TRIP12: variants seen among roughly 807,000 people sequenced by gnomAD.
The protein encoded by TRIP12 is thyroid hormone receptor interactor 12, also known as E3 ubiquitin-protein ligase TRIP12.
In TRIP12, 25 loss-of-function variants were observed where a neutral mutation model predicts 244.2. That is an observed-to-expected ratio of 0.10 (90% CI 0.07 to 0.14). The LOEUF is 0.14. Among genes scored for constraint, TRIP12 ranks in the 10% least tolerant of loss-of-function variants. TRIP12 has a pLI of 1.00. For synonymous variants in TRIP12, 905 were observed against 873.1 expected, an observed-to-expected ratio of 1.04 and a Z score of -0.64; for missense variants, 1,677 against 2,486.4, an observed-to-expected ratio of 0.67 and a Z score of 6.92.
chr2:229,822,739 A>G (rs1324398664), intron 8 of TRIP12, among the ~76,000 whole-genome samples: 1 of 152,212 alleles, frequency 6.6e-6, no homozygotes, highest in Non-Finnish European at 1.5e-5. Flanking sequence ...AGTGGGGGAA[A>G]AAAAGACAAT....
At chr2:229,800,500 T>C (rs779860621) in intron 21 of TRIP12, among the ~76,000 whole-genome samples, 2 of 152,166 alleles carry the variant, frequency 1.3e-5, no homozygotes, top group African/African-American at 2.4e-5. Context: ...GACATTTCTA[T>C]GGAATATACT....
At chr2:229,876,448 G>A (rs1202498687) in intron 2 of TRIP12, among the ~76,000 whole-genome samples, 1 of 152,198 alleles carries the variant, frequency 6.6e-6, no homozygotes, top group African/African-American at 2.4e-5. Flanking sequence ...CTAATAAGAT[G>A]TTTTGGCTAA....
chr2:229,818,517 A>C lies in TRIP12; in HGVS notation c.1451-5T>G. 1 of 1,610,830 alleles carries C rather than the reference A, an allele frequency of 6.2e-7. No homozygotes were observed. On this transcript the variant is annotated splice_polypyrimidine_tract_variant and splice_region_variant and intron_variant, in intron 8 of 41. Transcript: ENST00000675903. ...GTAGCTGCTGGGCCTTAGAACCTTT[A>C]GAGAAAAAAATAATTATTATCTTTA...
intron 8 of TRIP12, among the ~76,000 whole-genome samples, chr2:229,819,564 T>TA (rs1196669806): frequency 6.6e-6 from 1 of 152,164 alleles, no homozygotes; most frequent in African/African-American, 2.4e-5. Context: ...TAATTAATTT[T>TA]AAAAAATAAA....
Position 229,778,702 on chromosome 2 carries a change from T to G in TRIP12, c.5210-115A>C, listed in dbSNP as rs2037103650. On this transcript the variant is annotated intron_variant, in intron 35 of 41. Transcript: ENST00000675903. The surrounding 1 kb of genome is among the most constrained non-coding windows in gnomAD (Gnocchi z 4.1). ...TTCTCAAAATTGGAGTGCAGATCAC[T>G]GAATGAAGTCCTCTAGAACTGGACA... 6.9e-7 allele frequency: 1 copy of G among 1,442,798 alleles called. No individual in the cohort carries two copies. Among genetic ancestry groups the G allele is most frequent in the African/African-American group, 1.4e-5 (1 of 70,506 alleles). 89.4% of individuals were successfully genotyped at this position (1,442,798 alleles called of 1,614,324 possible).
At chr2:229,781,982 A>C (rs927594) in intron 34 of TRIP12, among the ~76,000 whole-genome samples, 78,304 of 151,910 alleles carry the variant, frequency 0.52, 20,741 homozygotes, top group African/African-American at 0.64. Flanking sequence ...CTGTGTGAAG[A>C]CATTTTGAGC....
chr2:229,837,756 G>C (rs1270676844), intron 5 of TRIP12, among the ~76,000 whole-genome samples: 4 of 152,062 alleles, frequency 2.6e-5, no homozygotes, highest in Admixed American at 6.6e-5. Flanking sequence ...TCCTAATAAT[G>C]AATAACTCCA....
chr2:229,850,879 T>C (rs1438136039), intron 4 of TRIP12, among the ~76,000 whole-genome samples: 1 of 151,836 alleles, frequency 6.6e-6, no homozygotes, highest in Non-Finnish European at 1.5e-5. Context: ...CTGCGGAGAG[T>C]GTACTGGGTC....
intron 19 of TRIP12, 118 bp downstream of exon 19, chr2:229,803,881 T>C (rs1242068923): frequency 2.1e-6 from 2 of 958,592 alleles, no homozygotes; most frequent in East Asian, 5.3e-5. Flanking sequence ...AAAAAAGAGC[T>C]CAAGATACTC....
At chr2:229,817,456 C>T (rs1469743520) in intron 9 of TRIP12, among the ~76,000 whole-genome samples, 1 of 152,066 alleles carries the variant, frequency 6.6e-6, no homozygotes, top group Non-Finnish European at 1.5e-5. Context: ...TTGATAATGG[C>T]AATTTTTCTT....
intron 4 of TRIP12, among the ~76,000 whole-genome samples, chr2:229,843,029 T>A (rs929723490): frequency 3.2e-4 from 48 of 151,834 alleles, no homozygotes; most frequent in African/African-American, 1.1e-3. Context: ...CCCTTGTAGG[T>A]AATTCTCTCT....
At chr2:229,822,845 C>T (rs1461802819) in intron 8 of TRIP12, among the ~76,000 whole-genome samples, 2 of 152,132 alleles carry the variant, frequency 1.3e-5, no homozygotes, top group Non-Finnish European at 2.9e-5. Context: ...AGAATATACA[C>T]ATTTTCAACA....
At chr2:229,847,601 C>T (rs958231253) in intron 4 of TRIP12, among the ~76,000 whole-genome samples, 1 of 152,190 alleles carries the variant, frequency 6.6e-6, no homozygotes, top group African/African-American at 2.4e-5. Flanking sequence ...GGGCTAAATG[C>T]ACTGGGAAGT....
At chr2:229,904,375 G>A (rs999152313) in intron 1 of TRIP12, among the ~76,000 whole-genome samples, 1 of 127,134 alleles carries the variant, frequency 7.9e-6, no homozygotes, top group Non-Finnish European at 1.5e-5. Flanking sequence ...CCAAGATTAT[G>A]CCACTGCACT....
intron 1 of TRIP12, among the ~76,000 whole-genome samples, chr2:229,891,600 TCAAAA>T (rs753721629): frequency 1.2e-3 from 175 of 152,032 alleles, no homozygotes; most frequent in Non-Finnish European, 1.8e-3. Context: ...AGACCCTGCG[TCAAAA>T]CAAAACAAAA....
chr2:229,887,215 A>T (rs2066215958), intron 1 of TRIP12, among the ~76,000 whole-genome samples: 1 of 152,244 alleles, frequency 6.6e-6, no homozygotes, highest in African/African-American at 2.4e-5. Flanking sequence ...GAATAATTAT[A>T]AAATATGCTA....
rs143076779 is a variant in TRIP12, at chr2:229,824,715, C to T, written c.1450+4478G>A. Among the ~76,000 whole-genome samples the T allele has an allele frequency of 2.0e-4, 30 of 152,238 alleles. No homozygotes were observed. The East Asian group carries it at 4.6e-3, about 23-fold the overall frequency. On this transcript the variant is annotated intron_variant, in intron 8 of 41. Coordinates refer to ENST00000675903, the MANE Select transcript of TRIP12 (RefSeq NM_001348323.3). ...AGCAAAGTAAAGTGTATAAAGTTTG[C>T]TACTCTTAACTGAGAAAGGCATTCC...
intron 9 of TRIP12, among the ~76,000 whole-genome samples, chr2:229,816,263 A>C (rs1231455025): frequency 6.6e-6 from 1 of 151,696 alleles, no homozygotes; most frequent in East Asian, 1.9e-4. Context: ...CCTAAGGACT[A>C]TTTTTGTTTA....
At chr2:229,782,530 C>T (rs2038569712) in intron 34 of TRIP12, among the ~76,000 whole-genome samples, 1 of 152,152 alleles carries the variant, frequency 6.6e-6, no homozygotes. Flanking sequence ...CCTGTGTCTC[C>T]CTAACTACAC....
Sources: gnomAD v4.1 joint callset for allele counts (sites outside exome capture counted in the v4.1 genomes callset) on GRCh38, gnomAD v4.1.1 for gene constraint, Gnocchi (gnomAD v3.1) non-coding constraint, MANE v1.5 for transcripts, NCBI Gene and HGNC (gene_info 2026-07-23, HGNC 2026-07-21) for gene names.